The following COL4A4 variants were observed in gnomAD, a reference collection of about 807,000 sequenced individuals.
COL4A4 encodes the protein collagen alpha-4(IV) chain.
In COL4A4, 105 loss-of-function variants were observed where a neutral mutation model predicts 192.9. The observed-to-expected ratio is 0.54, with a 90% confidence interval of 0.46 to 0.64. The LOEUF (loss-of-function observed/expected upper bound fraction) is 0.64. Among genes scored for constraint, COL4A4 ranks in the 30% least tolerant of loss-of-function variants. The pLI is 0.00. For missense variants in COL4A4, 1,967 were observed against 2,169.3 expected (o/e 0.91, Z 1.85); for synonymous variants, 762 against 769.9 (o/e 0.99, Z 0.17).
Position 227,108,572 on chromosome 2 carries a change from A to C in COL4A4, c.735+9T>G. 1 of 1,613,626 alleles carries C rather than the reference A, an allele frequency of 6.2e-7. No individual in the cohort carries two copies. The highest frequency in any genetic ancestry group is 8.5e-7 in the Non-Finnish European group (1 of 1,179,544). On this transcript the variant is annotated intron_variant, in intron 12 of 47. Coordinates refer to ENST00000396625, the MANE Select transcript of COL4A4 (RefSeq NM_000092.5). The stretch of plus-strand genomic sequence containing the variant: ...CCATCTGCTCCTCAGAGCAAGAGGG[A>C]ATTCTTACCGGGTCTCCCATTTGCC...
intron 20 of COL4A4, among the ~76,000 whole-genome samples, chr2:227,090,615 G>A (rs192642041): frequency 1.0e-3 from 157 of 151,884 alleles, no homozygotes; most frequent in African/African-American, 3.4e-3. Flanking sequence ...AGCCAGCCAC[G>A]GTGGTGCGTG....
intron 36 of COL4A4, 49 bp from the exon 37 acceptor site, chr2:227,042,304 A>G (rs1392587008): frequency 2.9e-6 from 3 of 1,046,734 alleles, no homozygotes; most frequent in Non-Finnish European, 4.5e-6. Context: ...TAAATGAATT[A>G]CATTCACTGC....
intron 3 of COL4A4, among the ~76,000 whole-genome samples, chr2:227,142,422 C>T (rs929827404): frequency 2.6e-5 from 4 of 152,148 alleles, no homozygotes; most frequent in African/African-American, 7.2e-5. Context: ...CACTATCTGC[C>T]TTATCTCAGA....
chr2:227,092,825 G>A (rs778149290), intron 20 of COL4A4, among the ~76,000 whole-genome samples: 10 of 152,106 alleles, frequency 6.6e-5, no homozygotes, highest in South Asian at 2.1e-4. Context: ...TGCACATGTC[G>A]GGTGAGGGGT....
intron 1 of COL4A4, among the ~76,000 whole-genome samples, chr2:227,158,624 CAAT>C (rs1342112780): frequency 1.3e-5 from 2 of 151,600 alleles, no homozygotes; most frequent in Non-Finnish European, 2.9e-5. Context: ...TACTATTCAA[CAAT>C]AAGAAGATAA....
chr2:226,975,183 A>G, the COL4A4 span, among the ~76,000 whole-genome samples: 6 of 152,226 alleles, frequency 3.9e-5, no homozygotes, highest in African/African-American at 1.2e-4. Context: ...ATGATAAATG[A>G]GAATAAAGAG....
chr2:227,074,018 AG>A (rs1259997223), intron 25 of COL4A4, among the ~76,000 whole-genome samples: 1 of 152,132 alleles, frequency 6.6e-6, no homozygotes, highest in Non-Finnish European at 1.5e-5. Context: ...AGACCCCAAA[AG>A]CAAATGCAAC....
the COL4A4 span, among the ~76,000 whole-genome samples, chr2:226,973,485 T>A: frequency 6.6e-6 from 1 of 152,184 alleles, no homozygotes; most frequent in Non-Finnish European, 1.5e-5. Flanking sequence ...ACTGCCCCCA[T>A]TCTAAGATTG....
At chr2:227,002,109 C>T (rs1302363591), downstream of COL4A4, among the ~76,000 whole-genome samples, 7 of 147,946 alleles carry the variant, frequency 4.7e-5, no homozygotes, top group African/African-American at 1.8e-4. Context: ...GTTCAAGGCT[C>T]CAGTGAGCCA....
At chr2:227,066,791 G>T in intron 25 of COL4A4, among the ~76,000 whole-genome samples, 1 of 151,588 alleles carries the variant, frequency 6.6e-6, no homozygotes, top group East Asian at 1.9e-4. Flanking sequence ...ATCGAGACTA[G>T]GAAGAAACTG....
intron 21 of COL4A4, 124 bp from the exon 22 acceptor site, chr2:227,088,940 C>T (rs1431786473): frequency 2.7e-5 from 31 of 1,133,642 alleles, no homozygotes; most frequent in South Asian, 3.9e-5. Context: ...TTCTTGCAGA[C>T]AATTGAGAGC....
Position 227,022,522 on chromosome 2 carries a change from C to T in COL4A4, c.4091-349G>A, listed in dbSNP as rs1434118080. ...TGCCCAATCTCTGGGCCATTTTTTA[C>T]TGGAGTAGCAGCCACAGGTAGCATT... On this transcript the variant is annotated intron_variant, in intron 43 of 47. Coordinates refer to ENST00000396625, the MANE Select transcript of COL4A4 (RefSeq NM_000092.5). 3.6e-6 allele frequency: 2 copies of T among 553,732 alleles called. No homozygotes were observed. Among genetic ancestry groups the T allele is most frequent in the Non-Finnish European group, 7.3e-6 (2 of 272,976 alleles). 34.3% of individuals were successfully genotyped at this position (553,732 alleles called of 1,614,324 possible).
At chr2:227,113,588 TAAAGTCA>T (rs1004313456) in intron 8 of COL4A4, among the ~76,000 whole-genome samples, 2 of 152,194 alleles carry the variant, frequency 1.3e-5, no homozygotes, top group African/African-American at 4.8e-5. Flanking sequence ...GGGAGTTGCT[TAAAGTCA>T]CAGTGGAGAG....
intron 4 of COL4A4, among the ~76,000 whole-genome samples, chr2:227,127,450 C>T (rs1485484663): frequency 2.6e-5 from 4 of 152,326 alleles, no homozygotes; most frequent in South Asian, 2.1e-4. Context: ...GACACAGAAC[C>T]GCCGGCCTCC....
chr2:227,157,876 G>GA (rs891410167), intron 1 of COL4A4, among the ~76,000 whole-genome samples: 2 of 151,792 alleles, frequency 1.3e-5, no homozygotes, highest in South Asian at 2.1e-4. Flanking sequence ...TCTGAATATA[G>GA]AAAAAAAGAG....
chr2:226,990,499 T>C, the COL4A4 span, among the ~76,000 whole-genome samples: 1 of 152,218 alleles, frequency 6.6e-6, no homozygotes, highest in Non-Finnish European at 1.5e-5. Context: ...AGTGCGTTCA[T>C]CAGATCATGG....
chr2:226,977,322 T>C, the COL4A4 span, among the ~76,000 whole-genome samples: 1 of 152,082 alleles, frequency 6.6e-6, no homozygotes, highest in Admixed American at 6.5e-5. Context: ...AAATATGAAG[T>C]GTATTTGCTT....
rs375714304 is a variant in COL4A4, at chr2:227,101,553, T to C, written c.980A>G (p.Glu327Gly). Residue 327 changes from glutamate to glycine, a missense_variant, in exon 17 of 48, where the codon GAA becomes GGA. Glu to Gly is a moderately conservative substitution (Grantham distance 98). Transcript: ENST00000396625. Reference sequence around the variant, plus strand: ...CCCAGGATCTCCAACCAGTCCTAGTTCTCCCTACAAACAAGCACAAACATG... The same window carrying C: ...CCCAGGATCTCCAACCAGTCCTAGTCCTCCCTACAAACAAGCACAAACATG... ...GSPGFPGLKG[E>G]LGLVGDPGLF... is the part of the protein sequence containing the mutation. The C allele has an allele frequency of 3.4e-5, 54 of 1,610,326 alleles. No individual in the cohort carries two copies. The highest frequency in any genetic ancestry group is 4.2e-5 in the Non-Finnish European group (50 of 1,178,810).
chr2:227,056,042 T>C lies in COL4A4; in HGVS notation c.2619A>G (p.Gly873=), dbSNP rs769770490. 1.9e-6 allele frequency: 3 copies of C among 1,613,640 alleles called. No homozygotes were observed. The East Asian group carries it at 6.7e-5, about 36-fold the overall frequency. ...PGPAGMKGLP[G]LPGRPGAHGP... ...CATGTGCCCCAGGCCGTCCTGGGAG[T>C]CCGGGGAGGCCTTTCATTCCAGCTG... The change falls in exon 30 of 48, where the codon GGA becomes GGG. Residue 873 remains glycine (G), a synonymous_variant. Transcript: ENST00000396625.
Sources: allele counts gnomAD v4.1 joint callset (sites outside exome capture counted in the v4.1 genomes callset), GRCh38; gene constraint gnomAD v4.1.1; transcripts MANE v1.5; gene names NCBI Gene and HGNC (gene_info 2026-07-23, HGNC 2026-07-21).